Variants in PRKCH observed in about 807,000 individuals in gnomAD.
PRKCH encodes the protein protein kinase C eta type.
In PRKCH, 28 loss-of-function variants were observed where a neutral mutation model predicts 82.5. The ratio of observed to expected loss-of-function variants is 0.34; its 90% confidence interval spans 0.25 to 0.47. PRKCH has a LOEUF of 0.47. Among genes scored for constraint, PRKCH ranks in the 20% least tolerant of loss-of-function variants. The pLI is 1.00. For missense variants in PRKCH, 705 were observed against 881.8 expected (o/e 0.80, Z 2.54); for synonymous variants, 322 against 327.4 (o/e 0.98, Z 0.18).
chr14:61,510,612 A>C (rs1887335326), intron 10 of PRKCH, among the ~76,000 whole-genome samples: 1 of 152,098 alleles, frequency 6.6e-6, no homozygotes, highest in African/African-American at 2.4e-5. Context: ...TTTTGCCCAT[A>C]AAGCAGTTAG....
At chr14:61,363,331 T>C (rs146053454) in intron 1 of PRKCH, among the ~76,000 whole-genome samples, 9 of 152,258 alleles carry the variant, frequency 5.9e-5, no homozygotes, top group Admixed American at 4.6e-4. Flanking sequence ...GAGTCATAGA[T>C]TTGTGGCTGG....
chr14:61,197,428 A>G (rs2044448801), intron 1 of PRKCH, among the ~76,000 whole-genome samples: 1 of 152,152 alleles, frequency 6.6e-6, no homozygotes, highest in Admixed American at 6.5e-5. Context: ...GAGAAGTCCA[A>G]GGTTGAGGAG....
chr14:61,350,978 T>C (rs1381136723), intron 1 of PRKCH, among the ~76,000 whole-genome samples: 1 of 152,170 alleles, frequency 6.6e-6, no homozygotes, highest in Non-Finnish European at 1.5e-5. Context: ...TTCGGCTGCT[T>C]CCTCTTTATG....
intron 1 of PRKCH, among the ~76,000 whole-genome samples, chr14:61,202,612 A>T (rs1165459184): frequency 6.6e-6 from 1 of 152,110 alleles, no homozygotes; most frequent in East Asian, 1.9e-4. Context: ...TTTTGGTGCT[A>T]TGGACATTTA....
chr14:61,494,589 G>C (rs1169615576), intron 10 of PRKCH, among the ~76,000 whole-genome samples: 1 of 152,232 alleles, frequency 6.6e-6, no homozygotes, highest in African/African-American at 2.4e-5. Flanking sequence ...CTTCCCAGCA[G>C]GGTCCTTGTA....
chr14:61,269,847 G>T (rs928063979), intron 1 of PRKCH, among the ~76,000 whole-genome samples: 31 of 152,160 alleles, frequency 2.0e-4, no homozygotes, highest in African/African-American at 7.5e-4. Flanking sequence ...GTTCCGTGTC[G>T]CTGCAGTCAG....
chr14:61,398,923 T>C (rs1395568442), intron 2 of PRKCH, among the ~76,000 whole-genome samples: 1 of 152,158 alleles, frequency 6.6e-6, no homozygotes. Context: ...AAAAGAAACA[T>C]TAACTCCCAG....
chr14:61,389,797 T>C (rs1350937680), intron 1 of PRKCH, among the ~76,000 whole-genome samples: 2 of 151,942 alleles, frequency 1.3e-5, no homozygotes, highest in Admixed American at 6.6e-5. Context: ...TTGCCCAGGG[T>C]CCAGAACCAG....
intron 1 of PRKCH, among the ~76,000 whole-genome samples, chr14:61,276,920 A>T (rs1230393417): frequency 6.6e-6 from 1 of 152,080 alleles, no homozygotes; most frequent in Non-Finnish European, 1.5e-5. Context: ...TTGGTGGCTC[A>T]CACCTGTAAT....
At chr14:61,205,414 G>A (rs1369001138) in intron 1 of PRKCH, among the ~76,000 whole-genome samples, 1 of 152,220 alleles carries the variant, frequency 6.6e-6, no homozygotes, top group African/African-American at 2.4e-5. Context: ...GGGTAGACAA[G>A]CCACAGGGGA....
intron 12 of PRKCH, among the ~76,000 whole-genome samples, chr14:61,540,635 A>G (rs532996072): frequency 2.2e-4 from 33 of 152,250 alleles, no homozygotes; most frequent in Non-Finnish European, 4.0e-4. Context: ...TGCAGCATAC[A>G]TATATGGTAG....
In PRKCH at chr14:61,413,341, AC is replaced by A. The variant is rs553403379; in HGVS notation, c.427+22057del. Among the ~76,000 whole-genome samples the A allele has an allele frequency of 4.3e-5, 5 of 117,598 alleles. No homozygotes were observed. The South Asian group carries it at 1.4e-3, about 34-fold the overall frequency. 77.1% of individuals were successfully genotyped at this position (117,598 alleles called of 152,430 possible). ...TCTATTCTGAGTGGTGGTCCCCAGC[AC>A]CCCAGCTCCTTTTCTCCCATTCCCT... On this transcript the variant is annotated intron_variant, in intron 2 of 13. Transcript: ENST00000332981.
chr14:61,470,432 A>G (rs1487620741), intron 9 of PRKCH, among the ~76,000 whole-genome samples: 1 of 152,072 alleles, frequency 6.6e-6, no homozygotes, highest in East Asian at 1.9e-4. Context: ...CCATCCCTGT[A>G]TTAACCCATG....
intron 1 of PRKCH, among the ~76,000 whole-genome samples, chr14:61,368,423 G>A (rs8006210): frequency 0.04 from 6,037 of 152,074 alleles, 435 homozygotes; most frequent in African/African-American, 0.14. Flanking sequence ...CTCCCCTCTG[G>A]CTGCTTCATG....
intron 2 of PRKCH, among the ~76,000 whole-genome samples, chr14:61,429,637 A>C (rs1428292124): frequency 3.9e-5 from 6 of 152,202 alleles, no homozygotes; most frequent in Admixed American, 3.9e-4. Context: ...AATCTGTTTC[A>C]ATTAATAAAG....
At chr14:61,234,523 GA>G (rs2044771943) in intron 1 of PRKCH, among the ~76,000 whole-genome samples, 1 of 152,158 alleles carries the variant, frequency 6.6e-6, no homozygotes, top group African/African-American at 2.4e-5. Flanking sequence ...ACACACTCAT[GA>G]AGGTGTGCAA....
In PRKCH at chr14:61,522,279, TCTC is replaced by T. The variant is rs535042087; in HGVS notation, c.1434-6792_1434-6790del. ...GATACTCTAGTAGCTTCCCAAATGATCTCCTCATGTTCATTCTCAACTCCTCTG... is the reference window on the plus strand; with the variant it reads ...GATACTCTAGTAGCTTCCCAAATGATCTCATGTTCATTCTCAACTCCTCTG... On this transcript the variant is annotated intron_variant, in intron 10 of 13. Coordinates refer to ENST00000332981, the MANE Select transcript of PRKCH (RefSeq NM_006255.5). Among the ~76,000 whole-genome samples the T allele has an allele frequency of 3.3e-5, 5 of 152,258 alleles. No individual in the cohort carries two copies. In the East Asian group the frequency reaches 9.7e-4, roughly 29 times the overall value.
chr14:61,356,376 T>C, intron 1 of PRKCH, among the ~76,000 whole-genome samples: 1 of 152,216 alleles, frequency 6.6e-6, no homozygotes, highest in East Asian at 1.9e-4. Flanking sequence ...GATATTTCTT[T>C]CGTGCTTAGC....
At chr14:61,366,510 G>A (rs2046298324) in intron 1 of PRKCH, among the ~76,000 whole-genome samples, 1 of 152,076 alleles carries the variant, frequency 6.6e-6, no homozygotes, top group African/African-American at 2.4e-5. Flanking sequence ...AAGTTCAGTG[G>A]AGGTTGCAGG....
Sources: allele counts gnomAD v4.1 joint callset (sites outside exome capture counted in the v4.1 genomes callset), GRCh38; gene constraint gnomAD v4.1.1; transcripts MANE v1.5; gene names NCBI Gene and HGNC (gene_info 2026-07-23, HGNC 2026-07-21).